TBC1D5: variants seen among roughly 807,000 people sequenced by gnomAD.
TBC1D5 encodes the protein TBC1 domain family, member 5.
A neutral mutation model predicts 100.3 loss-of-function variants in TBC1D5; 75 were observed. The observed-to-expected ratio is 0.75, with a 90% confidence interval of 0.62 to 0.91. TBC1D5 has a LOEUF of 0.91. Among genes scored for constraint, TBC1D5 ranks in the 40% least tolerant of loss-of-function variants. TBC1D5 has a pLI of 0.00. For missense variants in TBC1D5, 910 were observed against 942.4 expected (o/e 0.97, Z 0.45); for synonymous variants, 323 against 325.6 (o/e 0.99, Z 0.09).
chr3:17,423,643 A>AT (rs1197997406), intron 4 of TBC1D5, among the ~76,000 whole-genome samples: 1 of 152,074 alleles, frequency 6.6e-6, no homozygotes, highest in Non-Finnish European at 1.5e-5. Flanking sequence ...AAGAGTGTAC[A>AT]TTTTTCTTAA....
chr3:17,321,726 T>C (rs1330915155), intron 13 of TBC1D5, among the ~76,000 whole-genome samples: 1 of 152,230 alleles, frequency 6.6e-6, no homozygotes, highest in African/African-American at 2.4e-5. Flanking sequence ...TGATTTTCTG[T>C]GCTAGTTCTT....
chr3:17,596,570 G>T (rs2060583233), intron 2 of TBC1D5, among the ~76,000 whole-genome samples: 1 of 150,910 alleles, frequency 6.6e-6, no homozygotes, highest in South Asian at 2.1e-4. Flanking sequence ...CGCCCACCTT[G>T]GCCTCCCAAA....
intron 2 of TBC1D5, among the ~76,000 whole-genome samples, chr3:17,617,036 T>A (rs1362121969): frequency 2.0e-5 from 3 of 152,242 alleles, no homozygotes; most frequent in Non-Finnish European, 4.4e-5. Flanking sequence ...TCGTTGTTTC[T>A]TTCCATGTTT....
At chr3:17,636,125 A>G (rs938282645) in intron 1 of TBC1D5, among the ~76,000 whole-genome samples, 5 of 152,080 alleles carry the variant, frequency 3.3e-5, no homozygotes, top group African/African-American at 1.2e-4. Context: ...CCCGGGAGGC[A>G]GAGATTGCAG....
intron 15 of TBC1D5, among the ~76,000 whole-genome samples, chr3:17,260,692 T>G (rs2078203696): frequency 6.6e-6 from 1 of 152,196 alleles, no homozygotes. Context: ...TACAGACATA[T>G]AGATGGATCT....
At chr3:17,345,776 G>T (rs1212913986) in intron 13 of TBC1D5, among the ~76,000 whole-genome samples, 2 of 152,136 alleles carry the variant, frequency 1.3e-5, no homozygotes, top group Non-Finnish European at 2.9e-5. Flanking sequence ...CGTAGGGACG[G>T]GGATGAAATT....
chr3:17,221,492 A>G (rs2074281649), intron 17 of TBC1D5, among the ~76,000 whole-genome samples: 1 of 152,010 alleles, frequency 6.6e-6, no homozygotes, highest in Admixed American at 6.6e-5. Context: ...GTGAGTTCTT[A>G]AAGTAGAAGA....
At chr3:17,524,029 C>A (rs1172643900) in intron 2 of TBC1D5, among the ~76,000 whole-genome samples, 1 of 152,014 alleles carries the variant, frequency 6.6e-6, no homozygotes, top group Non-Finnish European at 1.5e-5. Flanking sequence ...TTGATCATCC[C>A]AACCATCTAA....
At chr3:17,553,605 C>G (rs944851115) in intron 2 of TBC1D5, among the ~76,000 whole-genome samples, 4 of 152,124 alleles carry the variant, frequency 2.6e-5, no homozygotes, top group African/African-American at 9.7e-5. Context: ...GTTTTTGCAA[C>G]AAAATTTGAC....
intron 2 of TBC1D5, among the ~76,000 whole-genome samples, chr3:17,577,402 C>T (rs755569163): frequency 3.3e-5 from 5 of 151,944 alleles, no homozygotes; most frequent in Non-Finnish European, 7.4e-5. Flanking sequence ...CTTGGAATTA[C>T]TGTATCAGTG....
chr3:17,309,597 A>AT (rs543947364), intron 13 of TBC1D5, among the ~76,000 whole-genome samples: 14 of 151,320 alleles, frequency 9.3e-5, no homozygotes, highest in Admixed American at 2.6e-4. Context: ...GATTAACACA[A>AT]TTTTTTTTTG....
At chr3:17,637,188 ATTTTTTTTTTTTTTTTT>A (rs1186523023) in intron 1 of TBC1D5, among the ~76,000 whole-genome samples, 7 of 95,474 alleles carry the variant, frequency 7.3e-5, no homozygotes, top group African/African-American at 2.4e-4. Flanking sequence ...TGCCCGACTA[ATTTTTTTTTTTTTTTTT>A]TTTTTTTTTT....
At chr3:17,450,537 T>A (rs946536394) in intron 3 of TBC1D5, among the ~76,000 whole-genome samples, 2 of 152,056 alleles carry the variant, frequency 1.3e-5, no homozygotes, top group African/African-American at 2.4e-5. Flanking sequence ...GAGAAGAACA[T>A]AAATGACCCG....
At chr3:17,702,299 T>C (rs544494345) in intron 1 of TBC1D5, 4 of 152,252 alleles carry the variant, frequency 2.6e-5, no homozygotes, top group African/African-American at 7.2e-5. Context: ...CAAACTTACT[T>C]AGTAAAACTA....
chr3:17,289,068 C>T (rs989328423), intron 15 of TBC1D5, among the ~76,000 whole-genome samples: 2 of 152,214 alleles, frequency 1.3e-5, no homozygotes, highest in Non-Finnish European at 2.9e-5. Context: ...CCTGCCTGGG[C>T]ACCACTGTGT....
intron 1 of TBC1D5, among the ~76,000 whole-genome samples, chr3:17,662,368 G>A (rs2066747622): frequency 6.6e-6 from 1 of 152,216 alleles, no homozygotes; most frequent in Non-Finnish European, 1.5e-5. Flanking sequence ...TGCCAAAGAA[G>A]TTTAGAGGAG....
intron 17 of TBC1D5, among the ~76,000 whole-genome samples, chr3:17,218,839 T>C (rs1344734561): frequency 6.6e-6 from 1 of 151,968 alleles, no homozygotes; most frequent in Non-Finnish European, 1.5e-5. Context: ...AATACTCTCT[T>C]TGTTGTCAGC....
At chr3:17,357,055 C>A (rs1372987308) in intron 13 of TBC1D5, among the ~76,000 whole-genome samples, 1 of 151,872 alleles carries the variant, frequency 6.6e-6, no homozygotes, top group Non-Finnish European at 1.5e-5. Context: ...GCATGGCTAC[C>A]AAACTTAAAA....
chr3:17,297,121 T>A (rs2082329588), intron 14 of TBC1D5, among the ~76,000 whole-genome samples: 2 of 152,196 alleles, frequency 1.3e-5, no homozygotes, highest in Admixed American at 1.3e-4. Context: ...CAGAGAAAGA[T>A]CACTGTATCA....
Sources: allele counts gnomAD v4.1 joint callset (sites outside exome capture counted in the v4.1 genomes callset), GRCh38; gene constraint gnomAD v4.1.1; transcripts MANE v1.5; gene names NCBI Gene and HGNC (gene_info 2026-07-23, HGNC 2026-07-21).